HNRNPM: variants seen among roughly 807,000 people sequenced by gnomAD.
HNRNPM encodes CEA receptor.
HNRNPM carries 11 observed loss-of-function variants against 73.1 expected under a neutral mutation model. The observed-to-expected ratio is 0.15, with a 90% CI of 0.09 to 0.25. The LOEUF is 0.25. Among genes scored for constraint, HNRNPM ranks in the 10% least tolerant of loss-of-function variants. The pLI, the probability that HNRNPM is intolerant of heterozygous loss-of-function variation, is 1.00. For missense variants in HNRNPM, 789 were observed against 1,067.9 expected, an observed-to-expected ratio of 0.74 and a Z score of 3.64; for synonymous variants, 407 against 355.2, an observed-to-expected ratio of 1.15 and a Z score of -1.64.
At chr19:8,464,546 C>T (rs113470982) in intron 5 of HNRNPM, among the ~76,000 whole-genome samples, 4 of 151,980 alleles carry the variant, frequency 2.6e-5, no homozygotes, top group African/African-American at 4.8e-5. Flanking sequence ...GCAGGAGAAT[C>T]GCTGGAACCC....
intron 11 of HNRNPM, 105 bp from the exon 12 acceptor site, chr19:8,474,062 C>A (rs947072949): frequency 4.3e-5 from 35 of 818,736 alleles, no homozygotes; most frequent in Non-Finnish European, 1.9e-6. Context: ...TTGGTAAGTT[C>A]TTGGCAGAAG....
chr19:8,448,109 T>G (rs1466399013), intron 1 of HNRNPM, among the ~76,000 whole-genome samples: 1 of 152,198 alleles, frequency 6.6e-6, no homozygotes, highest in African/African-American at 2.4e-5. Context: ...GGGCAGTGAA[T>G]TTGGATTTTT....
chr19:8,467,451 C>T (rs1969832807), intron 7 of HNRNPM, 84 bp from the exon 8 acceptor site: 2 of 896,260 alleles, frequency 2.2e-6, no homozygotes, highest in Non-Finnish European at 3.8e-6. Context: ...GGACTGGTAG[C>T]AGTTGGAGTA....
intron 9 of HNRNPM, among the ~76,000 whole-genome samples, chr19:8,470,172 C>CT (rs1970031770): frequency 6.6e-6 from 1 of 152,204 alleles, no homozygotes; most frequent in South Asian, 2.1e-4. Context: ...ACTTCAAAGC[C>CT]TTCAGTGCTT....
intron 12 of HNRNPM, among the ~76,000 whole-genome samples, chr19:8,478,504 A>G (rs1970670847): frequency 6.6e-6 from 1 of 152,146 alleles, no homozygotes; most frequent in Non-Finnish European, 1.5e-5. Context: ...AAGAAGGCCC[A>G]GTGGGCCTCA....
Position 8,462,830 on chromosome 19 carries a change from A to G in HNRNPM, c.336+249A>G, listed in dbSNP as rs1348203178. Among the ~76,000 whole-genome samples the G allele has an allele frequency of 6.6e-6, 1 of 152,172 alleles. No homozygotes were observed. The highest frequency in any genetic ancestry group is 1.5e-5 in the Non-Finnish European group (1 of 68,034). On this transcript the variant is annotated intron_variant, in intron 3 of 15. Coordinates refer to ENST00000325495, the MANE Select transcript of HNRNPM (RefSeq NM_005968.5). This position sits in a 1 kb window ranked among gnomAD's most constrained non-coding sequence, Gnocchi z 4.5. ...CCAATTTGGATAACTGGGGACCAATAGCAGCATTGTCTCTTTGTTAACAGA... is the reference window on the plus strand; with the variant it reads ...CCAATTTGGATAACTGGGGACCAATGGCAGCATTGTCTCTTTGTTAACAGA...
At chr19:8,487,680 G>GC in intron 15 of HNRNPM, 1 of 153,300 alleles carries the variant, frequency 6.5e-6, no homozygotes, top group South Asian at 2.0e-4. Context: ...AGGGGCCTGA[G>GC]CTAGAGGTCT....
Position 8,465,482 on chromosome 19 carries a change from T to C in HNRNPM, c.597T>C (p.Ala199=). Residue 199 remains alanine, a synonymous_variant, in exon 6 of 16, where the codon GCT becomes GCC. Coordinates refer to ENST00000325495, the MANE Select transcript of HNRNPM (RefSeq NM_005968.5). Reference sequence around the variant, plus strand: ...ATGAGATTATCCATGCATTACAGGCTGGAAGACTTGGAAGCACAGTATTTG... The same window carrying C: ...ATGAGATTATCCATGCATTACAGGCCGGAAGACTTGGAAGCACAGTATTTG... The part of the protein sequence containing the change: ...IPNEIIHALQ[A]GRLGSTVFVA... 6.2e-7 allele frequency: 1 copy of C among 1,612,152 alleles called. No homozygotes were observed. The highest frequency in any genetic ancestry group is 2.2e-5 in the East Asian group (1 of 44,796).
At chr19:8,477,232 TC>T (rs1034546155) in intron 12 of HNRNPM, among the ~76,000 whole-genome samples, 5 of 152,032 alleles carry the variant, frequency 3.3e-5, no homozygotes, top group African/African-American at 1.2e-4. Flanking sequence ...AAAAGTGTGA[TC>T]CCCATTTCAG....
At chr19:8,470,405 G>A (rs1970048309) in intron 9 of HNRNPM, among the ~76,000 whole-genome samples, 14 of 152,128 alleles carry the variant, frequency 9.2e-5, no homozygotes, top group Admixed American at 8.5e-4. Flanking sequence ...TTGGCTTGCT[G>A]CAACCTCCAT....
rs1971274996 is a variant in HNRNPM, at chr19:8,486,090, CCTGGAGCGCATGGGCGCCAACAAT to C, written c.1671_1694del (p.Ala560_Gly567del). The C allele has an allele frequency of 1.2e-6, 2 of 1,606,430 alleles. No homozygotes were observed. Among genetic ancestry groups the C allele is most frequent in the South Asian group, 1.1e-5 (1 of 91,026 alleles). On this transcript the variant is annotated inframe_deletion, in exon 14 of 16. Coordinates refer to ENST00000325495, the MANE Select transcript of HNRNPM (RefSeq NM_005968.5). ...CCGTGATGGATCGCATGGCCACCGG[CCTGGAGCGCATGGGCGCCAACAAT>C]CTGGAGCGGATGGGCCTGGAGCGCA...
At chr19:8,448,501 C>T (rs1168509436) in intron 1 of HNRNPM, among the ~76,000 whole-genome samples, 6 of 144,508 alleles carry the variant, frequency 4.2e-5, no homozygotes, top group Admixed American at 2.1e-4. Context: ...GATGGAGTCT[C>T]GCTCTGTTGC....
rs180939539 is a variant in HNRNPM, at chr19:8,459,636, C to T, written c.284-2893C>T. ...AATTCTCTTCAGTGAAGCTTCGGCA[C>T]TGTATTCCCTCTTTTTTTCTTTTTC... On this transcript the variant is annotated intron_variant, in intron 2 of 15. Transcript: ENST00000325495. 1.4e-4 allele frequency among the ~76,000 whole-genome samples: 22 copies of T among 152,250 alleles called. No homozygotes were observed. In the East Asian group the frequency reaches 2.3e-3, roughly 16 times the overall value.
chr19:8,466,167 T>C, intron 6 of HNRNPM, 68 bp from the exon 7 acceptor site: 1 of 1,429,714 alleles, frequency 7.0e-7, no homozygotes, highest in South Asian at 1.3e-5. Context: ...GTATCATTCA[T>C]GTAGTAAAAA....
Position 8,482,966 on chromosome 19 carries a change from A to G in HNRNPM, c.1121-192A>G, listed in dbSNP as rs1971025483. The G allele has an allele frequency of 7.2e-6, 4 of 557,638 alleles. No individual in the cohort carries two copies. The Admixed American group carries it at 1.0e-4, about 14-fold the overall frequency. The allele number at this position is 557,638 out of a possible 1,614,324, so 34.5% of individuals were successfully genotyped here. ...CTCTGGAGCTACGTGGGGTCTTGGCATCGTGACCCAGCATCAAGGACTCTC... is the reference window on the plus strand; with the variant it reads ...CTCTGGAGCTACGTGGGGTCTTGGCGTCGTGACCCAGCATCAAGGACTCTC... On this transcript the variant is annotated intron_variant, in intron 12 of 15. Coordinates refer to ENST00000325495, the MANE Select transcript of HNRNPM (RefSeq NM_005968.5).
chr19:8,484,150 G>A (rs1013134063), intron 13 of HNRNPM, among the ~76,000 whole-genome samples: 3 of 149,486 alleles, frequency 2.0e-5, no homozygotes, highest in Admixed American at 1.3e-4. Flanking sequence ...GGAGCTCCAC[G>A]CTGGTACCAT....
At chr19:8,449,163 T>G (rs968511933) in intron 1 of HNRNPM, among the ~76,000 whole-genome samples, 2 of 152,238 alleles carry the variant, frequency 1.3e-5, no homozygotes, top group East Asian at 3.8e-4. Flanking sequence ...AGCTCAAGAT[T>G]AGAAGACAGG....
intron 14 of HNRNPM, 29 bp from the exon 15 acceptor site, chr19:8,486,995 A>G (rs1244559259): frequency 5.0e-6 from 8 of 1,597,294 alleles, no homozygotes; most frequent in African/African-American, 1.3e-5. Flanking sequence ...TTAATCACGC[A>G]TCAGTCTCCC....
chr19:8,460,914 A>G (rs774114827), intron 2 of HNRNPM, among the ~76,000 whole-genome samples: 2 of 152,210 alleles, frequency 1.3e-5, no homozygotes, highest in Non-Finnish European at 2.9e-5. Context: ...CTTGAAACAA[A>G]TGGCTTTTTA....
Sources: allele counts gnomAD v4.1 joint callset (sites outside exome capture counted in the v4.1 genomes callset), GRCh38; gene constraint gnomAD v4.1.1; non-coding constraint Gnocchi (gnomAD v3.1); transcripts MANE v1.5; gene names NCBI Gene and HGNC (gene_info 2026-07-23, HGNC 2026-07-21).